The following OR10H1 variants were observed in gnomAD, a reference collection of about 807,000 sequenced individuals.
OR10H1 encodes the protein olfactory receptor family 10 subfamily H member 1.
OR10H1 carries 12 observed loss-of-function variants against 13.1 expected under a neutral mutation model. The observed-to-expected ratio is 0.92, with a 90% CI of 0.59 to 1.48. OR10H1 has a LOEUF of 1.48. OR10H1 is among the 40% of genes most tolerant of loss of function. The probability of loss-of-function intolerance (pLI) is 0.00; values close to 1 mark genes in which losing one functional copy is unlikely to be tolerated. For missense variants in OR10H1, 363 were observed against 413.1 expected (o/e 0.88, Z 1.05); for synonymous variants, 168 against 175.6 (o/e 0.96, Z 0.34).
chr19:15,814,101 C>G (rs904893946), intron 1 of OR10H1, among the ~76,000 whole-genome samples: 1 of 151,884 alleles, frequency 6.6e-6, no homozygotes, highest in Admixed American at 6.6e-5. Flanking sequence ...GAATCATTCT[C>G]TCTCAGAGGG....
Position 15,807,805 on chromosome 19 carries a change from A to G in OR10H1, c.233T>C (p.Ile78Thr). 1 of 1,606,936 alleles carries G rather than the reference A, an allele frequency of 6.2e-7. No homozygotes were observed. The highest frequency in any genetic ancestry group is 8.5e-7 in the Non-Finnish European group (1 of 1,174,542). ...VSEILYTVAI[I>T]PRMLADLLST... ...CAGCAGGTCGGCCAGCATGCGCGGG[A>G]TGATGGCCACGGTGTAGAGGATCTC... The change falls in exon 4 of 4, where the codon ATC (isoleucine) becomes ACC (threonine). Residue 78 changes from isoleucine to threonine, a missense_variant. By Grantham distance (89) the Ile-to-Thr change is moderately conservative (BLOSUM62 -1). Transcript: ENST00000641419.
At chr19:15,814,474 TGTGTGTGAGAGAGAGA>T (rs1302770377) in intron 1 of OR10H1, among the ~76,000 whole-genome samples, 474 of 31,162 alleles carry the variant, frequency 0.015, 2 homozygotes, top group Non-Finnish European at 0.023. Flanking sequence ...TGTGTGTGTG[TGTGTGTGAGAGAGAGA>T]GAGAGAGAGA....
intron 1 of OR10H1, among the ~76,000 whole-genome samples, chr19:15,813,405 T>A (rs1236122777): frequency 6.6e-6 from 1 of 151,498 alleles, no homozygotes; most frequent in Non-Finnish European, 1.5e-5. Flanking sequence ...GGTTCCTCTG[T>A]AGGTAAAACA....
rs2088910156 is a variant in OR10H1 at position 15,807,796 on chromosome 19, A to G, written c.242T>C (p.Met81Thr). 1 of 1,607,090 alleles carries G rather than the reference A, an allele frequency of 6.2e-7. No homozygotes were observed. The highest frequency in any genetic ancestry group is 8.5e-7 in the Non-Finnish European group (1 of 1,174,712). ...ILYTVAIIPR[M>T]LADLLSTQRS... The stretch of plus-strand genomic sequence containing the variant: ...CTGGGTGGACAGCAGGTCGGCCAGC[A>G]TGCGCGGGATGATGGCCACGGTGTA... The change falls in exon 4 of 4, where the codon ATG becomes ACG. Residue 81 changes from methionine to threonine, a missense_variant. Around this residue, in one of 3 missense-constraint regions of OR10H1, gnomAD observed 318 missense variants for 366.6 expected, o/e 0.87. Transcript: ENST00000641419.
rs1270237516 is a variant in OR10H1 at position 15,806,098 on chromosome 19, G to C, written c.*983C>G. ...GTAGCTACCTGGTGCGGCACTCATA[G>C]AGAGTGGGGCATGAAATCTTCCCTC... On this transcript the variant is annotated 3_prime_UTR_variant, in exon 4 of 4. Transcript: ENST00000641419. The C allele has an allele frequency of 1.3e-5, 2 of 152,172 alleles. No homozygotes were observed. The highest frequency in any genetic ancestry group is 2.4e-5 in the African/African-American group (1 of 41,446). 9.4% of individuals were successfully genotyped at this position (152,172 alleles called of 1,614,324 possible).
chr19:15,810,851 G>A (rs1055726222), intron 2 of OR10H1, among the ~76,000 whole-genome samples: 2 of 148,614 alleles, frequency 1.3e-5, no homozygotes. Context: ...AATGCAGTGG[G>A]CTTTCTCAAA....
At chr19:15,814,351 C>A (rs2088951348) in intron 1 of OR10H1, among the ~76,000 whole-genome samples, 1 of 152,018 alleles carries the variant, frequency 6.6e-6, no homozygotes, top group Admixed American at 6.6e-5. Context: ...CCCCTCTCTT[C>A]CACTTAAGCC....
In OR10H1 at chr19:15,807,141, C is replaced by T. The variant is rs1330295058; in HGVS notation, c.897G>A (p.Lys299=). 1.2e-6 allele frequency: 2 copies of T among 1,614,136 alleles called. No homozygotes were observed. Among genetic ancestry groups the T allele is most frequent in the East Asian group, 2.2e-5 (1 of 44,876 alleles). Residue 299 remains lysine (K), a synonymous_variant, in exon 4 of 4, where the codon AAG becomes AAA. Coordinates refer to ENST00000641419, the MANE Select transcript of OR10H1 (RefSeq NM_013940.4). The part of the protein sequence containing the change: ...IIFSLRNKEL[K]VAMKKTFFSK... ...TGAAGAAGGTCTTCTTCATGGCGAC[C>T]TTCAGCTCCTTGTTCCTGAGGCTGA...
chr19:15,815,129 A>T (rs1373806395), intron 1 of OR10H1, among the ~76,000 whole-genome samples: 1 of 152,144 alleles, frequency 6.6e-6, no homozygotes, highest in Non-Finnish European at 1.5e-5. Flanking sequence ...TCACGAGATC[A>T]GGAGTTCAAG....
rs1457310114 is a variant in OR10H1, at chr19:15,815,598, C to T, written c.-821G>A. 6.6e-6 allele frequency: 1 copy of T among 152,430 alleles called. No homozygotes were observed. The highest frequency in any genetic ancestry group is 1.5e-5 in the Non-Finnish European group (1 of 68,112). The allele number at this position is 152,430 out of a possible 1,614,324, so 9.4% of individuals were successfully genotyped here. A position where few individuals can be genotyped will look rare whatever the true frequency, so the allele number is the denominator to read the frequency against. On this transcript the variant is annotated 5_prime_UTR_variant, in exon 1 of 4. Coordinates refer to ENST00000641419, the MANE Select transcript of OR10H1 (RefSeq NM_013940.4). ...GCTTCTGCTTCATCCCAGTAGGAGG[C>T]TCTAGTTTGGAGTTTCTCCACAGGT...
Position 15,808,001 on chromosome 19 carries a change from T to C in OR10H1, c.37A>G (p.Ile13Val), listed in dbSNP as rs1411679709. Residue 13 changes from isoleucine to valine, a missense_variant, in exon 4 of 4, where the codon ATC (isoleucine) becomes GTC (valine). Around this residue, in one of 3 missense-constraint regions of OR10H1, gnomAD observed 318 missense variants for 366.6 expected, o/e 0.87. Transcript: ENST00000641419. ...RANHSTVTQFILVGFSVFPHL... is the reference protein window; with the variant it reads ...RANHSTVTQFVLVGFSVFPHL... ...GGGAAGACAGAGAAGCCGACGAGGA[T>C]GAATTGGGTCACTGTGGAGTGATTG... 1 of 1,613,874 alleles carries C rather than the reference T, an allele frequency of 6.2e-7. No individual in the cohort carries two copies. The highest frequency in any genetic ancestry group is 8.5e-7 in the Non-Finnish European group (1 of 1,179,930).
intron 3 of OR10H1, among the ~76,000 whole-genome samples, chr19:15,808,518 C>A (rs1402123439): frequency 6.6e-6 from 1 of 152,174 alleles, no homozygotes; most frequent in Non-Finnish European, 1.5e-5. Context: ...CACCACTGTA[C>A]TCCAGCCTGG....
Position 15,806,502 on chromosome 19 carries a change from C to T in OR10H1, c.*579G>A, listed in dbSNP as rs1345765294. On this transcript the variant is annotated 3_prime_UTR_variant, in exon 4 of 4. Coordinates refer to ENST00000641419, the MANE Select transcript of OR10H1 (RefSeq NM_013940.4). Reference sequence around the variant, plus strand: ...TTCACTGTAAGCTCAAACTTCTGGACTTAGGCAGTAATCCCAGTTCAGTCT... The same window carrying T: ...TTCACTGTAAGCTCAAACTTCTGGATTTAGGCAGTAATCCCAGTTCAGTCT... 1 of 154,428 alleles carries T rather than the reference C, an allele frequency of 6.5e-6. No individual in the cohort carries two copies. The highest frequency in any genetic ancestry group is 1.4e-5 in the Non-Finnish European group (1 of 69,618). The allele number at this position is 154,428 out of a possible 1,614,324, so 9.6% of individuals were successfully genotyped here.
At chr19:15,809,284 A>T (rs977035472) in intron 2 of OR10H1, among the ~76,000 whole-genome samples, 9 of 54,114 alleles carry the variant, frequency 1.7e-4, no homozygotes, top group Non-Finnish European at 3.1e-4. Context: ...TTATTTATTT[A>T]TGTATTTATT....
chr19:15,807,208 A>T lies in OR10H1; in HGVS notation c.830T>A (p.Ile277Asn). The T allele has an allele frequency of 6.2e-7, 1 of 1,614,148 alleles. No individual in the cohort carries two copies. Among genetic ancestry groups the T allele is most frequent in the Non-Finnish European group, 8.5e-7 (1 of 1,180,042 alleles). ...GAAGGGTGTGAGGACCGTGTAGGTG[A>T]TGCCCATCAAGGTGTCTCCTTCCAG... ...QSLEGDTLMG[I>N]TYTVLTPFLS... is the part of the protein sequence containing the mutation. Residue 277 changes from isoleucine (I) to asparagine (N), a missense_variant, in exon 4 of 4, where the codon ATC becomes AAC. This residue lies in a region of OR10H1 where 318 missense variants were observed against 366.6 expected (regional missense o/e 0.87). Transcript: ENST00000641419.
chr19:15,808,921 T>G (rs2088918525), intron 2 of OR10H1, 80 bp from the exon 3 acceptor site: 1 of 152,134 alleles, frequency 6.6e-6, no homozygotes. Context: ...TTCCATTCAT[T>G]CCTTCTCTGC....
rs1344857050 is a variant in OR10H1 at position 15,807,900 on chromosome 19, C to T, written c.138G>A (p.Met46Ile). The T allele has an allele frequency of 3.1e-6, 5 of 1,613,820 alleles. No homozygotes were observed. The highest frequency in any genetic ancestry group is 3.4e-6 in the Non-Finnish European group (4 of 1,179,998). ...LFTLLGNLLIMATVWSERSLH... is the reference protein window; with the variant it reads ...LFTLLGNLLIIATVWSERSLH... Reference sequence around the variant, plus strand: ...GGCTGCGCTCGCTCCAGACGGTGGCCATGATGAGCAGGTTGCCCAGCAGCG... The same window carrying T: ...GGCTGCGCTCGCTCCAGACGGTGGCTATGATGAGCAGGTTGCCCAGCAGCG... Residue 46 changes from methionine to isoleucine, a missense_variant, in exon 4 of 4, where the codon ATG becomes ATA. By Grantham distance (10) the Met-to-Ile change is conservative. Coordinates refer to ENST00000641419, the MANE Select transcript of OR10H1 (RefSeq NM_013940.4).
chr19:15,806,892 A>C lies in OR10H1; in HGVS notation c.*189T>G. ...CAGGCATGTGCCAACATGCCTGGCT[A>C]ATTTTTGTATTTTTAGTAGAGATGG... is the stretch of plus-strand genomic sequence containing the variant. On this transcript the variant is annotated 3_prime_UTR_variant, in exon 4 of 4. Transcript: ENST00000641419. The C allele has an allele frequency of 7.1e-6, 4 of 561,494 alleles. No individual in the cohort carries two copies. Among genetic ancestry groups the C allele is most frequent in the East Asian group, 3.2e-5 (1 of 31,366 alleles). 34.8% of individuals were successfully genotyped at this position (561,494 alleles called of 1,614,324 possible). A position where few individuals can be genotyped will look rare whatever the true frequency, so the allele number is the denominator to read the frequency against.
In OR10H1 at chr19:15,804,906, T is replaced by C. The variant is rs1467510194; in HGVS notation, c.*2175A>G. 1 of 152,222 alleles carries C rather than the reference T, an allele frequency of 6.6e-6. No individual in the cohort carries two copies. Among genetic ancestry groups the C allele is most frequent in the Non-Finnish European group, 1.5e-5 (1 of 68,046 alleles). 9.4% of individuals were successfully genotyped at this position (152,222 alleles called of 1,614,324 possible). A position where few individuals can be genotyped will look rare whatever the true frequency, so the allele number is the denominator to read the frequency against. ...CTGTTGTTTCCTGACTTTTTAGTGA[T>C]TGCCATTCTAACTGGTGTGAGATGA... On this transcript the variant is annotated 3_prime_UTR_variant, in exon 4 of 4. Transcript: ENST00000641419.
Sources: allele counts gnomAD v4.1 joint callset (sites outside exome capture counted in the v4.1 genomes callset), GRCh38; gene constraint gnomAD v4.1.1; regional missense constraint gnomAD v4.1.1; transcripts MANE v1.5; gene names NCBI Gene and HGNC (gene_info 2026-07-23, HGNC 2026-07-21).